Variants in CAMK2B observed in about 807,000 individuals in gnomAD.
CAMK2B encodes the protein calcium/calmodulin dependent protein kinase II beta.
In CAMK2B, 27 loss-of-function variants were observed where a neutral mutation model predicts 93.7. That is an observed-to-expected ratio of 0.29 (90% confidence interval 0.21 to 0.40). The LOEUF (loss-of-function observed/expected upper bound fraction) is 0.40, where lower values mean the gene tolerates loss of function less well. Among genes scored for constraint, CAMK2B ranks in the 10% least tolerant of loss-of-function variants. CAMK2B has a pLI of 1.00. For missense variants in CAMK2B, 568 were observed against 895.8 expected (o/e 0.63, Z 4.67); for synonymous variants, 374 against 358.8 (o/e 1.04, Z -0.48).
intron 1 of CAMK2B, among the ~76,000 whole-genome samples, chr7:44,297,872 C>T (rs1443822464): frequency 1.3e-5 from 2 of 152,282 alleles, no homozygotes; most frequent in Non-Finnish European, 1.5e-5. Context: ...GTCTGTAATC[C>T]CAGCACTTTG....
At chr7:44,254,404 C>T (rs896449182) in intron 5 of CAMK2B, 138 bp downstream of exon 5, 6 of 663,822 alleles carry the variant, frequency 9.0e-6, no homozygotes, top group Non-Finnish European at 1.7e-5. Flanking sequence ...TGGCTTCATG[C>T]CCATCGCTCT....
At position 44,255,185 on chromosome 7, in the gene CAMK2B, C is replaced by T. The variant is rs1046644904; in HGVS notation, c.276-578G>A. 5.9e-5 allele frequency among the ~76,000 whole-genome samples: 9 copies of T among 152,172 alleles called. 1 individual carries two copies. Among genetic ancestry groups the T allele is most frequent in the Admixed American group, 1.3e-4 (2 of 15,282 alleles). ...CAGGGTCTTGAGGTGTTCGAGGTCC[C>T]ATCTCTAGGAAGAGAACAGAGATGA... On this transcript the variant is annotated intron_variant, in intron 4 of 23. Coordinates refer to ENST00000395749, the MANE Select transcript of CAMK2B (RefSeq NM_001220.5).
chr7:44,227,767 G>GGAGGGTGTGGAGGACAGA (rs1249650947), intron 19 of CAMK2B, among the ~76,000 whole-genome samples: 3 of 6,346 alleles, frequency 4.7e-4, no homozygotes, highest in African/African-American at 9.5e-4. Flanking sequence ...GGGGGACAGA[G>GGAGGGTGTGGAGGACAGA]GGAGAGTCTG....
At chr7:44,249,329 C>T (rs914286557) in intron 5 of CAMK2B, among the ~76,000 whole-genome samples, 5 of 152,014 alleles carry the variant, frequency 3.3e-5, no homozygotes, top group African/African-American at 7.3e-5. Flanking sequence ...CCTGGGAAGT[C>T]GGGGGTGAGG....
At chr7:44,307,521 C>A (rs1360351434) in intron 1 of CAMK2B, among the ~76,000 whole-genome samples, 1 of 151,922 alleles carries the variant, frequency 6.6e-6, no homozygotes, top group Admixed American at 6.5e-5. Flanking sequence ...CCATCTGGCC[C>A]CTGGCACTGG....
At chr7:44,240,777 G>A in intron 11 of CAMK2B, 28 bp from the exon 12 acceptor site, 1 of 1,611,616 alleles carries the variant, frequency 6.2e-7, no homozygotes, top group Non-Finnish European at 8.5e-7. Flanking sequence ...TAAAACCGGG[G>A]CTATCCCATC....
At chr7:44,242,086 A>C in intron 10 of CAMK2B, 132 bp downstream of exon 10, 1 of 1,083,448 alleles carries the variant, frequency 9.2e-7, no homozygotes, top group Non-Finnish European at 1.3e-6. Context: ...GGCCACAAGG[A>C]GCACCCAGGG....
At chr7:44,220,502 G>A in intron 22 of CAMK2B, 114 bp downstream of exon 22, 1 of 994,138 alleles carries the variant, frequency 1.0e-6, no homozygotes, top group Non-Finnish European at 1.5e-6. Context: ...GGCCAACCCT[G>A]GGCACAGAGG....
At chr7:44,298,139 C>A (rs1788816749) in intron 1 of CAMK2B, among the ~76,000 whole-genome samples, 1 of 152,006 alleles carries the variant, frequency 6.6e-6, no homozygotes, top group African/African-American at 2.4e-5. Context: ...CAAAACAAAA[C>A]AAAAAACCCA....
chr7:44,242,805 C>T (rs1415421597), intron 8 of CAMK2B, 151 bp from the exon 9 acceptor site: 3 of 632,304 alleles, frequency 4.7e-6, no homozygotes, highest in Non-Finnish European at 8.6e-6. Context: ...GCAGCAGACA[C>T]TGGGGTAGAA....
chr7:44,229,263 T>G, intron 18 of CAMK2B, 125 bp downstream of exon 18: 6 of 651,974 alleles, frequency 9.2e-6, no homozygotes, highest in Non-Finnish European at 1.3e-5. Flanking sequence ...CAGTGAGGGA[T>G]TGTGGGGTGA....
rs73317720 is a variant in CAMK2B, at chr7:44,218,122, C to T, written c.*1403G>A. On this transcript the variant is annotated 3_prime_UTR_variant, in exon 24 of 24. Coordinates refer to ENST00000395749, the MANE Select transcript of CAMK2B (RefSeq NM_001220.5). ...GAAGGTGCCCTCACACGCACTGCAG[C>T]CCGCCAAGGCACTGGCACACCTGAC... is the stretch of plus-strand genomic sequence containing the variant. The T allele has an allele frequency of 0.011, 1,721 of 152,784 alleles. 29 individuals carry two copies. The highest frequency in any genetic ancestry group is 0.039 in the African/African-American group (1,637 of 41,580). 9.5% of individuals were successfully genotyped at this position (152,784 alleles called of 1,614,324 possible). A position where few individuals can be genotyped will look rare whatever the true frequency, so the allele number is the denominator to read the frequency against.
intron 1 of CAMK2B, 121 bp from the exon 2 acceptor site, chr7:44,284,346 G>A (rs1345730183): frequency 8.4e-6 from 6 of 717,598 alleles, no homozygotes; most frequent in East Asian, 2.7e-5. Context: ...GCCCGGCCTC[G>A]GGCAGATGGC....
chr7:44,281,837 C>T (rs1265279261), intron 2 of CAMK2B, among the ~76,000 whole-genome samples: 1 of 152,164 alleles, frequency 6.6e-6, no homozygotes, highest in African/African-American at 2.4e-5. Flanking sequence ...AAGTGGCCTT[C>T]AGCTCTGCCC....
chr7:44,277,558 T>C (rs979286087), intron 2 of CAMK2B, among the ~76,000 whole-genome samples: 4 of 152,102 alleles, frequency 2.6e-5, no homozygotes, highest in Admixed American at 2.6e-4. Context: ...GGCCCGGACA[T>C]GAGTGAGTGT....
chr7:44,280,900 G>T (rs1464287709), intron 2 of CAMK2B, among the ~76,000 whole-genome samples: 4 of 152,214 alleles, frequency 2.6e-5, no homozygotes, highest in Admixed American at 2.6e-4. Context: ...ACGAGGCAGG[G>T]ATGAGCATAA....
In CAMK2B at chr7:44,225,565, GC is replaced by G. The variant is rs1049525605; in HGVS notation, c.1597+950del. Among the ~76,000 whole-genome samples, 2 of 152,078 alleles carry G rather than the reference GC, an allele frequency of 1.3e-5. No individual in the cohort carries two copies. The highest frequency in any genetic ancestry group is 4.8e-5 in the African/African-American group (2 of 41,404). ...GGGGGTGAGTACCCCTCCAGGGGCT[GC>G]CCCCTGCTCTCTCGGGCACCCAGGG... On this transcript the variant is annotated intron_variant, in intron 20 of 23. Transcript: ENST00000395749. This position sits in a 1 kb window ranked among gnomAD's most constrained non-coding sequence, Gnocchi z 5.0.
At chr7:44,246,067 C>T (rs1473337215) in intron 6 of CAMK2B, among the ~76,000 whole-genome samples, 1 of 152,148 alleles carries the variant, frequency 6.6e-6, no homozygotes, top group East Asian at 1.9e-4. Context: ...CAACCTTCTT[C>T]CGAACACAGC....
At chr7:44,322,045 G>T (rs1338810536) in intron 1 of CAMK2B, among the ~76,000 whole-genome samples, 1 of 152,238 alleles carries the variant, frequency 6.6e-6, no homozygotes, top group East Asian at 1.9e-4. Context: ...GGCCGTGACG[G>T]TGCTGGCCAC....
Sources: allele counts gnomAD v4.1 joint callset (sites outside exome capture counted in the v4.1 genomes callset), GRCh38; gene constraint gnomAD v4.1.1; non-coding constraint Gnocchi (gnomAD v3.1); transcripts MANE v1.5; gene names NCBI Gene and HGNC (gene_info 2026-07-23, HGNC 2026-07-21).